Variants in TAOK3 observed in about 807,000 individuals in gnomAD.
The protein encoded by TAOK3 is TAO kinase 3, also known as serine/threonine-protein kinase TAO3.
In TAOK3, 40 loss-of-function variants were observed where a neutral mutation model predicts 120.4. The observed-to-expected ratio is 0.33, with a 90% CI of 0.26 to 0.43. The LOEUF (loss-of-function observed/expected upper bound fraction) is 0.43. TAOK3 is among the 20% of genes least tolerant of loss of function. TAOK3 has a pLI of 1.00. For missense variants in TAOK3, 821 were observed against 1,112.1 expected (o/e 0.74, Z 3.72); for synonymous variants, 355 against 387.5 (o/e 0.92, Z 0.99).
chr12:118,301,109 A>G (rs562505825), intron 1 of TAOK3, among the ~76,000 whole-genome samples: 3 of 152,202 alleles, frequency 2.0e-5, no homozygotes, highest in Non-Finnish European at 4.4e-5. Context: ...TCATACAGCC[A>G]GAAGTATCAA....
intron 3 of TAOK3, among the ~76,000 whole-genome samples, chr12:118,245,608 G>A (rs993679640): frequency 1.3e-5 from 2 of 152,098 alleles, no homozygotes; most frequent in Admixed American, 6.6e-5. Flanking sequence ...GTTAGCCACC[G>A]TGCCTGGCCT....
intron 1 of TAOK3, among the ~76,000 whole-genome samples, chr12:118,288,959 C>G (rs1167461097): frequency 2.7e-5 from 4 of 148,008 alleles, no homozygotes. Context: ...AGAAAGATAG[C>G]ATGCTTAGGA....
Position 118,160,451 on chromosome 12 carries a change from G to C in TAOK3, c.2140-93C>G, listed in dbSNP as rs550109592. 32 of 1,102,648 alleles carry C rather than the reference G, an allele frequency of 2.9e-5. No individual in the cohort carries two copies. The highest frequency in any genetic ancestry group is 4.1e-5 in the Non-Finnish European group (31 of 757,646). 68.3% of individuals were successfully genotyped at this position (1,102,648 alleles called of 1,614,324 possible). A position where few individuals can be genotyped will look rare whatever the true frequency, so the allele number is the denominator to read the frequency against. The stretch of plus-strand genomic sequence containing the variant: ...ATGATATAATACAAGTGCTGAGAGC[G>C]TCTGTTTTTTGGTGCAGTGACTCAC... On this transcript the variant is annotated intron_variant, in intron 18 of 20. Coordinates refer to ENST00000392533, the MANE Select transcript of TAOK3 (RefSeq NM_016281.4). The surrounding 1 kb of genome is among the most constrained non-coding windows in gnomAD (Gnocchi z 4.2).
At chr12:118,224,709 T>C (rs558420869) in intron 9 of TAOK3, among the ~76,000 whole-genome samples, 243 of 152,296 alleles carry the variant, frequency 1.6e-3, no homozygotes, top group South Asian at 3.9e-3. Flanking sequence ...ATTAAACACT[T>C]AGGAGCTGTA....
In TAOK3 at chr12:118,341,255, C is replaced by T. The variant is rs537089084; in HGVS notation, c.-194+31393G>A. Among the ~76,000 whole-genome samples the T allele has an allele frequency of 7.9e-5, 12 of 152,202 alleles. No homozygotes were observed. The East Asian group carries it at 1.9e-3, about 24-fold the overall frequency. ...ACCTCAAGTGATCCGCCTGCCTCGG[C>T]TTCCCAAAGTGCTGGGATTACAGGA... On this transcript the variant is annotated intron_variant, in intron 1 of 20. Transcript: ENST00000392533.
chr12:118,267,898 A>G (rs2041526142), intron 1 of TAOK3, among the ~76,000 whole-genome samples: 1 of 151,818 alleles, frequency 6.6e-6, no homozygotes, highest in Admixed American at 6.6e-5. Context: ...AAAAAAAAAA[A>G]AAAAGGAAAG....
intron 15 of TAOK3, among the ~76,000 whole-genome samples, chr12:118,179,637 C>T (rs1427294188): frequency 6.6e-6 from 1 of 151,272 alleles, no homozygotes; most frequent in African/African-American, 2.4e-5. Flanking sequence ...TCTGCCTTAC[C>T]CTTCTGTTTT....
intron 1 of TAOK3, among the ~76,000 whole-genome samples, chr12:118,344,019 A>G (rs573307209): frequency 6.6e-6 from 1 of 151,866 alleles, no homozygotes; most frequent in African/African-American, 2.4e-5. Flanking sequence ...AAAAAAAAAA[A>G]AAATCCACTA....
Position 118,212,975 on chromosome 12 carries a change from A to T in TAOK3, c.758T>A (p.Phe253Tyr). ...SNEWTDSFRR[F>Y]VDYCLQKIPQ... Reference sequence around the variant, plus strand: ...TATTTTCTGCAAGCAGTAATCAACAAATCTCCTAAAGGAGTCTGTCCTGTG... The same window carrying T: ...TATTTTCTGCAAGCAGTAATCAACATATCTCCTAAAGGAGTCTGTCCTGTG... Residue 253 changes from phenylalanine (F) to tyrosine (Y), a missense_variant, in exon 11 of 21, where the codon TTT becomes TAT. Transcript: ENST00000392533. The T allele has an allele frequency of 6.2e-7, 1 of 1,612,782 alleles. No homozygotes were observed. The highest frequency in any genetic ancestry group is 8.5e-7 in the Non-Finnish European group (1 of 1,179,530).
rs1210604400 is a variant in TAOK3 at position 118,201,304 on chromosome 12, C to T, written c.979G>A (p.Asp327Asn). Residue 327 changes from aspartate (D) to asparagine (N), a missense_variant, in exon 12 of 21, where the codon GAT (aspartate) becomes AAT (asparagine). This residue lies in a region of TAOK3 where 467 missense variants were observed against 540.0 expected (regional missense o/e 0.86). Transcript: ENST00000392533. ...RNGPLNESQE[D>N]EEDSEHGTSL... ...AAATAAATTGAACCTACTTCCTCAT[C>T]CTCCTGTGACTCATTCAAGGGTCCA... 6.2e-7 allele frequency: 1 copy of T among 1,612,484 alleles called. No individual in the cohort carries two copies. Among genetic ancestry groups the T allele is most frequent in the South Asian group, 1.1e-5 (1 of 90,926 alleles).
chr12:118,311,673 C>G (rs1335969153), intron 1 of TAOK3, among the ~76,000 whole-genome samples: 1 of 151,420 alleles, frequency 6.6e-6, no homozygotes, highest in Admixed American at 6.6e-5. Context: ...ATTTAAAAAC[C>G]AAACAAAACT....
intron 2 of TAOK3, among the ~76,000 whole-genome samples, chr12:118,261,974 C>T (rs577182153): frequency 6.6e-6 from 1 of 152,020 alleles, no homozygotes; most frequent in Non-Finnish European, 1.5e-5. Flanking sequence ...AATTCTCGTG[C>T]CTCAGTCACC....
chr12:118,286,468 A>G (rs1681060362), intron 1 of TAOK3, among the ~76,000 whole-genome samples: 1 of 152,190 alleles, frequency 6.6e-6, no homozygotes, highest in South Asian at 2.1e-4. Flanking sequence ...AAACATATGA[A>G]AAAATGCTCA....
chr12:118,195,471 G>A lies in TAOK3; in HGVS notation c.1194+3580C>T, dbSNP rs533644338. On this transcript the variant is annotated intron_variant, in intron 13 of 20. Coordinates refer to ENST00000392533, the MANE Select transcript of TAOK3 (RefSeq NM_016281.4). ...ACAATCTGGATTAAAAATTTGTACC[G>A]GAGTCACTTGTGAATAATCAAGAAT... 3.9e-5 allele frequency among the ~76,000 whole-genome samples: 6 copies of A among 152,246 alleles called. No individual in the cohort carries two copies. In the South Asian group the frequency reaches 6.2e-4, roughly 16 times the overall value.
intron 3 of TAOK3, among the ~76,000 whole-genome samples, chr12:118,248,542 A>C (rs1431253325): frequency 6.6e-6 from 1 of 152,156 alleles, no homozygotes; most frequent in African/African-American, 2.4e-5. Flanking sequence ...CAATATATAT[A>C]GTGCAGCTTA....
intron 9 of TAOK3, among the ~76,000 whole-genome samples, chr12:118,228,450 C>A (rs555816789): frequency 4.6e-5 from 7 of 152,150 alleles, no homozygotes; most frequent in African/African-American, 1.7e-4. Flanking sequence ...CTGCGCCTGG[C>A]CAGTATATAT....
intron 1 of TAOK3, among the ~76,000 whole-genome samples, chr12:118,272,965 G>C (rs2041771691): frequency 6.6e-6 from 1 of 151,590 alleles, no homozygotes; most frequent in Admixed American, 6.6e-5. Flanking sequence ...GACAAAGTAA[G>C]AACTTGTCTG....
rs746349218 is a variant in TAOK3 at position 118,172,489 on chromosome 12, G to A, written c.1867C>T (p.Arg623Trp). 8.1e-6 allele frequency: 13 copies of A among 1,613,980 alleles called. No individual in the cohort carries two copies. Among genetic ancestry groups the A allele is most frequent in the African/African-American group, 4.0e-5 (3 of 74,906 alleles). Residue 623 changes from arginine to tryptophan, a missense_variant, in exon 17 of 21, where the codon CGG becomes TGG. This residue lies in a region of TAOK3 where 354 missense variants were observed against 572.1 expected (regional missense o/e 0.62). Transcript: ENST00000392533. ...ATGTTCTGCTGCTCCACCTCGTGCC[G>A]CTTGATCATTATTTTCCGCTTGAAG... ...RFFKRKIMIK[R>W]HEVEQQNIRE...
chr12:118,372,011 CCCT>C lies in TAOK3; in HGVS notation c.-194+634_-194+636del, dbSNP rs890535913. The stretch of plus-strand genomic sequence containing the variant: ...TCTCAGCCCAGCCCCCTTCCGGGAC[CCCT>C]CCTCTTCTCCCACTGTCTTGGCCCT... On this transcript the variant is annotated intron_variant, in intron 1 of 20. Transcript: ENST00000392533. This position sits in a 1 kb window ranked among gnomAD's most constrained non-coding sequence, Gnocchi z 4.6. Among the ~76,000 whole-genome samples, 2 of 151,640 alleles carry C rather than the reference CCCT, an allele frequency of 1.3e-5. No individual in the cohort carries two copies. The highest frequency in any genetic ancestry group is 4.8e-5 in the African/African-American group (2 of 41,244).
Sources: allele counts gnomAD v4.1 joint callset (sites outside exome capture counted in the v4.1 genomes callset), GRCh38; gene constraint gnomAD v4.1.1; regional missense constraint gnomAD v4.1.1; non-coding constraint Gnocchi (gnomAD v3.1); transcripts MANE v1.5; gene names NCBI Gene and HGNC (gene_info 2026-07-23, HGNC 2026-07-21).